Variants in PIR observed in about 807,000 individuals in gnomAD.
PIR encodes pirin (iron-binding nuclear protein).
In PIR, 22 loss-of-function variants were observed where a neutral mutation model predicts 24.2. The observed-to-expected ratio is 0.91, with a 90% CI of 0.65 to 1.30. PIR has a LOEUF of 1.30. PIR is among the 50% of genes most tolerant of loss of function. The pLI, the probability that PIR is intolerant of heterozygous loss-of-function variation, is 0.00. For missense variants in PIR, 220 were observed against 220.3 expected (o/e 1.00, Z 0.01); for synonymous variants, 80 against 79.6 (o/e 1.00, Z -0.03).
intron 3 of PIR, among the ~76,000 whole-genome samples, 174 bp from the exon 4 acceptor site, chrX:15,459,914 TA>T (rs56263338): frequency 0.3 from 28,588 of 95,034 alleles, 3,484 homozygotes; most frequent in East Asian, 0.5. Flanking sequence ...GCCTTTTCAT[TA>T]AAAAAAAAAA....
Position 15,475,104 on chromosome X carries a change from G to GA in PIR, c.189+4624dup, listed in dbSNP as rs113947874. 1.7e-4 allele frequency among the ~76,000 whole-genome samples: 18 copies of GA among 104,372 alleles called. No individual in the cohort carries two copies. The East Asian group carries it at 1.8e-3, about 11-fold the overall frequency. The allele number at this position is 104,372 out of a possible 115,157, so 90.6% of individuals were successfully genotyped here. The stretch of plus-strand genomic sequence containing the variant: ...TTTGAAAGTGGTGCACAGCAAGCTA[G>GA]AAAAAAAAAACAGGCTATGTGGGAG... On this transcript the variant is annotated intron_variant, in intron 3 of 9. Coordinates refer to ENST00000380420, the MANE Select transcript of PIR (RefSeq NM_001018109.3).
At chrX:15,467,613 T>C (rs776395932) in intron 3 of PIR, among the ~76,000 whole-genome samples, 1 of 112,173 alleles carries the variant, frequency 8.9e-6, no homozygotes, top group East Asian at 2.8e-4. Context: ...TGAGATGAGG[T>C]GATCATGAAA....
intron 8 of PIR, among the ~76,000 whole-genome samples, chrX:15,391,991 T>G (rs1161918030): frequency 9.0e-6 from 1 of 111,195 alleles, no homozygotes; most frequent in Non-Finnish European, 1.9e-5. Context: ...GCTCCTCCCA[T>G]AAGCAAATGC....
chrX:15,437,413 T>C (rs1234731519), intron 5 of PIR, among the ~76,000 whole-genome samples: 1 of 111,961 alleles, frequency 8.9e-6, no homozygotes, highest in Non-Finnish European at 1.9e-5. Context: ...TACACCATTA[T>C]GGCAATGGAA....
At chrX:15,485,538 C>T (rs1922762762) in intron 2 of PIR, among the ~76,000 whole-genome samples, 1 of 111,759 alleles carries the variant, frequency 8.9e-6, no homozygotes, top group African/African-American at 3.3e-5. Flanking sequence ...TATTTATTGC[C>T]CATTTGATCC....
intron 5 of PIR, among the ~76,000 whole-genome samples, chrX:15,446,696 G>A (rs1926115901): frequency 9.0e-6 from 1 of 111,176 alleles, no homozygotes; most frequent in Admixed American, 9.5e-5. Context: ...AGCCTGCCAT[G>A]ATTTCTAGCG....
intron 2 of PIR, among the ~76,000 whole-genome samples, chrX:15,488,576 GA>G (rs1922995158): frequency 9.0e-6 from 1 of 111,544 alleles, no homozygotes; most frequent in South Asian, 3.7e-4. Context: ...ATTGTTAAAT[GA>G]AAAAAATTGG....
At chrX:15,387,950 T>C (rs905664519) in intron 9 of PIR, among the ~76,000 whole-genome samples, 8 of 111,572 alleles carry the variant, frequency 7.2e-5, no homozygotes, top group Non-Finnish European at 1.5e-4. Flanking sequence ...TGCTGGTCCA[T>C]GGACCACACT....
chrX:15,400,349 T>C (rs2147007594), intron 7 of PIR, among the ~76,000 whole-genome samples: 1 of 112,163 alleles, frequency 8.9e-6, no homozygotes. Context: ...AACATGTCTT[T>C]ATCTTCAACT....
intron 7 of PIR, among the ~76,000 whole-genome samples, chrX:15,400,608 G>A (rs763650895): frequency 4.5e-4 from 50 of 111,075 alleles, no homozygotes; most frequent in African/African-American, 1.6e-3. Flanking sequence ...GCAACAAAAA[G>A]TTTAGCTTGT....
intron 4 of PIR, among the ~76,000 whole-genome samples, chrX:15,458,773 C>A (rs181247336): frequency 2.7e-5 from 3 of 112,985 alleles, no homozygotes; most frequent in African/African-American, 9.6e-5. Context: ...TGACCACTGT[C>A]TCACACATAT....
At chrX:15,442,813 T>C (rs1025320754) in intron 5 of PIR, among the ~76,000 whole-genome samples, 7 of 111,822 alleles carry the variant, frequency 6.3e-5, no homozygotes, top group South Asian at 3.7e-4. Flanking sequence ...AGAAGAAAAG[T>C]TGGAAGCTAG....
At chrX:15,411,628 C>T (rs1007980155) in intron 6 of PIR, among the ~76,000 whole-genome samples, 21 of 110,613 alleles carry the variant, frequency 1.9e-4, no homozygotes, top group Admixed American at 1.7e-3. Context: ...ATTGCCAGAC[C>T]GCAAAGCAAC....
chrX:15,445,868 C>T (rs1229067250), intron 5 of PIR, among the ~76,000 whole-genome samples: 1 of 73,172 alleles, frequency 1.4e-5, no homozygotes, highest in Non-Finnish European at 2.3e-5. Flanking sequence ...CTCGCTCTGT[C>T]GCCCAGGCTG....
At chrX:15,427,822 C>A (rs1208118670) in intron 5 of PIR, among the ~76,000 whole-genome samples, 1 of 109,068 alleles carries the variant, frequency 9.2e-6, no homozygotes, top group East Asian at 2.8e-4. Flanking sequence ...TATATACACA[C>A]ACAAGTGTGT....
chrX:15,396,978 G>A (rs1364178182), intron 8 of PIR, among the ~76,000 whole-genome samples: 1 of 111,870 alleles, frequency 8.9e-6, no homozygotes, highest in African/African-American at 3.3e-5. Flanking sequence ...CTGACATCGT[G>A]ATCCGCCCGC....
intron 5 of PIR, among the ~76,000 whole-genome samples, chrX:15,451,089 AG>A (rs1488548570): frequency 8.9e-6 from 1 of 111,844 alleles, no homozygotes; most frequent in African/African-American, 3.3e-5. Flanking sequence ...ATTAGTGGGC[AG>A]GTTGCTCGTT....
chrX:15,427,558 T>C (rs1020343912), intron 5 of PIR, among the ~76,000 whole-genome samples: 2 of 110,344 alleles, frequency 1.8e-5, no homozygotes, highest in South Asian at 7.8e-4. Flanking sequence ...ACTATGTCTG[T>C]CAAATGCTAG....
chrX:15,428,392 C>T (rs1205189893), intron 5 of PIR, among the ~76,000 whole-genome samples: 1 of 111,914 alleles, frequency 8.9e-6, no homozygotes, highest in Non-Finnish European at 1.9e-5. Context: ...TATCGAATGA[C>T]TCCTCTGTTC....
Sources: gnomAD v4.1 joint callset for allele counts (sites outside exome capture counted in the v4.1 genomes callset) on GRCh38, gnomAD v4.1.1 for gene constraint, MANE v1.5 for transcripts, NCBI Gene and HGNC (gene_info 2026-07-23, HGNC 2026-07-21) for gene names.